NLRP13: variants seen among roughly 807,000 people sequenced by gnomAD.
NLRP13 encodes NACHT, LRR and PYD domains-containing protein 13.
Under a neutral mutation model 94.4 loss-of-function variants are expected in NLRP13, and 82 were observed. The observed-to-expected ratio is 0.87, with a 90% CI of 0.73 to 1.04. NLRP13 has a LOEUF of 1.04. Among genes scored for constraint, NLRP13 ranks in the 50% least tolerant of loss-of-function variants. The pLI, the probability that NLRP13 is intolerant of heterozygous loss-of-function variation, is 0.00. For synonymous variants in NLRP13, 553 were observed against 464.7 expected (o/e 1.19, Z -2.45); for missense variants, 1,426 against 1,230.8 (o/e 1.16, Z -2.37).
Position 55,910,707 on chromosome 19 carries a change from T to C in NLRP13, c.2138A>G (p.His713Arg). The C allele has an allele frequency of 1.9e-6, 3 of 1,609,806 alleles. No homozygotes were observed. In the South Asian group the frequency reaches 3.3e-5, roughly 18 times the overall value. Residue 713 changes from histidine to arginine, a missense_variant, in exon 6 of 11, where the codon CAC becomes CGC. Coordinates refer to ENST00000342929, the MANE Select transcript of NLRP13 (RefSeq NM_176810.2). Reference sequence around the variant, plus strand: ...CGTAGAGCAAATGCTGTTCCATGCGTGCATCCTGGAATCAAACTTGCTTGT... The same window carrying C: ...CGTAGAGCAAATGCTGTTCCATGCGCGCATCCTGGAATCAAACTTGCTTGT... ...LETSKFDSRM[H>R]AWNSICSTLV...
chr19:55,906,336 T>TAAAAAAAAAA (rs1986346529), intron 7 of NLRP13, among the ~76,000 whole-genome samples: 4 of 9,738 alleles, frequency 4.1e-4, no homozygotes, highest in Non-Finnish European at 6.9e-4. Flanking sequence ...AGACTCCATC[T>TAAAAAAAAAA]CAAAAAAAAA....
At chr19:55,900,693 G>A (rs960723004) in intron 9 of NLRP13, among the ~76,000 whole-genome samples, 5 of 149,870 alleles carry the variant, frequency 3.3e-5, no homozygotes, top group South Asian at 2.1e-4. Context: ...GGAGAATGAC[G>A]TGAACCCAGG....
At chr19:55,892,342 G>A (rs569312386), downstream of NLRP13, among the ~76,000 whole-genome samples, 9 of 151,238 alleles carry the variant, frequency 6.0e-5, no homozygotes, top group South Asian at 2.1e-4. Flanking sequence ...TAGTAGTCCC[G>A]TGTCTTGTCA....
chr19:55,931,857 T>C, intron 1 of NLRP13, 136 bp downstream of exon 1: 3 of 748,748 alleles, frequency 4.0e-6, no homozygotes, highest in Non-Finnish European at 6.6e-6. Context: ...TTAAACATCA[T>C]ACTGTCATAG....
At chr19:55,916,639 G>A (rs1579607) in intron 4 of NLRP13, among the ~76,000 whole-genome samples, 17,853 of 152,114 alleles carry the variant, frequency 0.12, 1,363 homozygotes, top group East Asian at 0.22. Context: ...AGAACTTGAA[G>A]GTCTTTTGAA....
chr19:55,902,263 C>CTTTATT, intron 8 of NLRP13, 58 bp from the exon 9 acceptor site: 1 of 1,522,064 alleles, frequency 6.6e-7, no homozygotes. Context: ...ACCCAGGCTC[C>CTTTATT]TGGAACAGAG....
intron 6 of NLRP13, 68 bp downstream of exon 6, chr19:55,910,495 C>G: frequency 7.1e-7 from 1 of 1,412,010 alleles, no homozygotes; most frequent in Non-Finnish European, 9.6e-7. Flanking sequence ...CAACCACACT[C>G]ATCAAAAGAG....
At position 55,932,317 on chromosome 19, in the gene NLRP13, C is replaced by G. The variant is rs781584935; in HGVS notation, c.-6G>C. ...GTGATTACAGAAAAGTTCATCTTGC[C>G]CAACACATGCAGTTTCTCACTTCAG... On this transcript the variant is annotated 5_prime_UTR_variant, in exon 1 of 11. Coordinates refer to ENST00000342929, the MANE Select transcript of NLRP13 (RefSeq NM_176810.2). 1 of 1,598,416 alleles carries G rather than the reference C, an allele frequency of 6.3e-7. No individual in the cohort carries two copies. Among genetic ancestry groups the G allele is most frequent in the Non-Finnish European group, 8.5e-7 (1 of 1,176,356 alleles).
intron 1 of NLRP13, among the ~76,000 whole-genome samples, chr19:55,927,657 T>C (rs931816594): frequency 2.6e-5 from 4 of 152,070 alleles, no homozygotes; most frequent in Non-Finnish European, 5.9e-5. Flanking sequence ...CCAGGGCAAG[T>C]GACGCTTTCA....
At chr19:55,893,398 G>C (rs1213303430), downstream of NLRP13, among the ~76,000 whole-genome samples, 2 of 152,002 alleles carry the variant, frequency 1.3e-5, no homozygotes, top group African/African-American at 4.8e-5. Context: ...CAAAAAAAAA[G>C]TAATGGCAAA....
rs753934698 is a variant in NLRP13 at position 55,924,593 on chromosome 19, TTTC to T, written c.451_453del (p.Glu151del). The T allele has an allele frequency of 3.1e-6, 5 of 1,611,996 alleles. No homozygotes were observed. In the Admixed American group the frequency reaches 5.0e-5, roughly 16 times the overall value. On this transcript the variant is annotated inframe_deletion, in exon 3 of 11. Transcript: ENST00000342929. ...ATCAACCAAGTAATGTACACACCTG[TTTC>T]TTCTTCTAGCTCGTCTAGTTCTTCT...
At chr19:55,931,725 AG>A (rs143449302) in intron 1 of NLRP13, among the ~76,000 whole-genome samples, 4 of 103,672 alleles carry the variant, frequency 3.9e-5, no homozygotes, top group Admixed American at 1.1e-4. Flanking sequence ...AAAAAAAAAA[AG>A]AAAGAAAGAA....
chr19:55,914,125 T>C (rs1412775135), intron 4 of NLRP13, among the ~76,000 whole-genome samples: 1 of 152,128 alleles, frequency 6.6e-6, no homozygotes, highest in Non-Finnish European at 1.5e-5. Flanking sequence ...AGGCTTTGTC[T>C]CTCCCATTCT....
chr19:55,921,404 G>T (rs1986822079), intron 4 of NLRP13, among the ~76,000 whole-genome samples: 1 of 152,148 alleles, frequency 6.6e-6, no homozygotes, highest in Non-Finnish European at 1.5e-5. Flanking sequence ...ATAAGCTTTA[G>T]ATTATATATA....
chr19:55,913,498 C>T lies in NLRP13; in HGVS notation c.524-205G>A, dbSNP rs542234031. 9.5e-5 allele frequency among the ~76,000 whole-genome samples: 12 copies of T among 126,636 alleles called. No individual in the cohort carries two copies. The East Asian group carries it at 2.8e-3, about 29-fold the overall frequency. The allele number at this position is 126,636 out of a possible 152,430, so 83.1% of individuals were successfully genotyped here. On this transcript the variant is annotated intron_variant, in intron 4 of 10. Transcript: ENST00000342929. Reference sequence around the variant, plus strand: ...CCGGGAGGCGGAGGTTGCAGTGAGCCGAGAGGCACCACTGCACTCCAGCCT... The same window carrying T: ...CCGGGAGGCGGAGGTTGCAGTGAGCTGAGAGGCACCACTGCACTCCAGCCT...
At chr19:55,915,059 G>C (rs543576953) in intron 4 of NLRP13, among the ~76,000 whole-genome samples, 6 of 152,322 alleles carry the variant, frequency 3.9e-5, no homozygotes, top group South Asian at 4.1e-4. Flanking sequence ...GGGGAAAAGA[G>C]AGGGAAAGGA....
At chr19:55,929,369 C>A (rs1987049341) in intron 1 of NLRP13, among the ~76,000 whole-genome samples, 1 of 152,132 alleles carries the variant, frequency 6.6e-6, no homozygotes, top group Non-Finnish European at 1.5e-5. Context: ...AGACTTGGAA[C>A]CAACCGAAAT....
At chr19:55,924,878 A>C in intron 2 of NLRP13, 89 bp downstream of exon 2, 1 of 1,169,926 alleles carries the variant, frequency 8.5e-7, no homozygotes, top group South Asian at 1.3e-5. Context: ...TAAATTCAAG[A>C]AATTTCAGAG....
intron 9 of NLRP13, among the ~76,000 whole-genome samples, chr19:55,901,008 C>T (rs187798972): frequency 5.3e-4 from 80 of 152,242 alleles, no homozygotes; most frequent in African/African-American, 1.7e-3. Context: ...CATGCTAGAC[C>T]GCACATAACC....
Sources: gnomAD v4.1 joint callset for allele counts (sites outside exome capture counted in the v4.1 genomes callset) on GRCh38, gnomAD v4.1.1 for gene constraint, MANE v1.5 for transcripts, NCBI Gene and HGNC (gene_info 2026-07-23, HGNC 2026-07-21) for gene names.